ZNF696: variants seen among roughly 807,000 people sequenced by gnomAD.
The protein encoded by ZNF696 is zinc finger protein 696.
In ZNF696, 10 loss-of-function variants were observed where a neutral mutation model predicts 12.3. The observed-to-expected ratio is 0.81, with a 90% CI of 0.50 to 1.38. The LOEUF is 1.38. Among genes scored for constraint, ZNF696 ranks in the 40% most tolerant of loss-of-function variants. The probability of loss-of-function intolerance (pLI) is 0.00; values close to 1 mark genes in which losing one functional copy is unlikely to be tolerated. For synonymous variants in ZNF696, 304 were observed against 243.9 expected (o/e 1.25, Z -2.29); for missense variants, 675 against 554.7 (o/e 1.22, Z -2.18).
Position 143,296,811 on chromosome 8 carries a change from C to T in ZNF696, c.*11C>T, listed in dbSNP as rs1419098017. 4.3e-6 allele frequency: 6 copies of T among 1,382,852 alleles called. No individual in the cohort carries two copies. The highest frequency in any genetic ancestry group is 3.6e-5 in the Admixed American group (1 of 27,622). 85.7% of individuals were successfully genotyped at this position (1,382,852 alleles called of 1,614,324 possible). On this transcript the variant is annotated 3_prime_UTR_variant, in exon 3 of 3. Coordinates refer to ENST00000330143, the MANE Select transcript of ZNF696 (RefSeq NM_030895.3). The stretch of plus-strand genomic sequence containing the variant: ...CATGGCGCCGAGTGAGCCGGGGCTG[C>T]GGCGGAAGAGATGCCGGCGGCCTGG...
At position 143,291,721 on chromosome 8, in the gene ZNF696, C is replaced by T. The variant is rs1248256731; in HGVS notation, c.-77C>T. On this transcript the variant is annotated 5_prime_UTR_variant, in exon 1 of 3. Coordinates refer to ENST00000330143, the MANE Select transcript of ZNF696 (RefSeq NM_030895.3). ...TTTCCCACCGGCCCAGCTCATCGAG[C>T]TTCTTCCCAGCTGTGAACAGGAGGG... The T allele has an allele frequency of 1.0e-6, 1 of 985,388 alleles. No individual in the cohort carries two copies. The highest frequency in any genetic ancestry group is 6.1e-5 in the Admixed American group (1 of 16,274). 61.0% of individuals were successfully genotyped at this position (985,388 alleles called of 1,614,324 possible).
rs1306140474 is a variant in ZNF696 at position 143,296,250 on chromosome 8, A to G, written c.575A>G (p.Gln192Arg). ...ACAECGKAFG[Q>R]SFNLLRHQRV... ...GCCGAGTGCGGCAAGGCCTTCGGCC[A>G]GAGCTTCAACCTCCTCCGGCACCAG... The change falls in exon 3 of 3, where the codon CAG becomes CGG. Residue 192 changes from glutamine to arginine, a missense_variant. By Grantham distance (43) the Gln-to-Arg change is conservative (BLOSUM62 1). Transcript: ENST00000330143. 1.4e-5 allele frequency: 22 copies of G among 1,597,592 alleles called. No homozygotes were observed. The highest frequency in any genetic ancestry group is 4.5e-5 in the East Asian group (2 of 44,750).
chr8:143,292,346 A>T (rs1225547556), intron 1 of ZNF696: 1 of 151,810 alleles, frequency 6.6e-6, no homozygotes, highest in Non-Finnish European at 1.5e-5. Flanking sequence ...CCTATTCATG[A>T]TCTTTGCCAA....
chr8:143,297,095 C>G lies in ZNF696; in HGVS notation c.*295C>G. The G allele has an allele frequency of 3.0e-6, 1 of 327,986 alleles. No homozygotes were observed. The allele number at this position is 327,986 out of a possible 1,614,324, so 20.3% of individuals were successfully genotyped here. A position where few individuals can be genotyped will look rare whatever the true frequency, so the allele number is the denominator to read the frequency against. On this transcript the variant is annotated 3_prime_UTR_variant, in exon 3 of 3. Coordinates refer to ENST00000330143, the MANE Select transcript of ZNF696 (RefSeq NM_030895.3). Reference sequence around the variant, plus strand: ...TCTGAGACTCCCCGCCTCCCACGGTCAGCTGCTGCGGGGCAGTGGCCGGTG... The same window carrying G: ...TCTGAGACTCCCCGCCTCCCACGGTGAGCTGCTGCGGGGCAGTGGCCGGTG...
chr8:143,297,098 C>A lies in ZNF696; in HGVS notation c.*298C>A. ...GAGACTCCCCGCCTCCCACGGTCAG[C>A]TGCTGCGGGGCAGTGGCCGGTGATT... On this transcript the variant is annotated 3_prime_UTR_variant, in exon 3 of 3. Coordinates refer to ENST00000330143, the MANE Select transcript of ZNF696 (RefSeq NM_030895.3). 3.1e-6 allele frequency: 1 copy of A among 321,944 alleles called. No homozygotes were observed. Among genetic ancestry groups the A allele is most frequent in the Non-Finnish European group, 5.6e-6 (1 of 177,206 alleles). 19.9% of individuals were successfully genotyped at this position (321,944 alleles called of 1,614,324 possible).
chr8:143,296,114 C>G lies in ZNF696; in HGVS notation c.439C>G (p.His147Asp), dbSNP rs1486318641. ...GGACGCGGCAAAGCACCGGAGCATC[C>G]ACTCGGGGGAGAAACCGTACGAGTG... The part of the protein sequence containing the change: ...SSDAAKHRSI[H>D]SGEKPYECSD... Residue 147 changes from histidine (H) to aspartate (D), a missense_variant, in exon 3 of 3, where the codon CAC (histidine) becomes GAC (aspartate). Physicochemically the swap from His to Asp is moderately conservative, Grantham distance 81. Transcript: ENST00000330143. 6.2e-7 allele frequency: 1 copy of G among 1,608,942 alleles called. No homozygotes were observed. The highest frequency in any genetic ancestry group is 1.1e-5 in the South Asian group (1 of 90,718).
chr8:143,293,059 C>T lies in ZNF696; in HGVS notation c.58C>T (p.Leu20Phe), dbSNP rs1278973775. ...AGAGAGCAGTACCCTGATGGAGTCC[C>T]TTGCAGGTGAGGGGACATGTCCACA... is the stretch of plus-strand genomic sequence containing the variant. ...AKESSTLMESLAAVKAAFLAQ... is the reference protein window; with the variant it reads ...AKESSTLMESFAAVKAAFLAQ... Residue 20 changes from leucine to phenylalanine, a missense_variant, in exon 2 of 3, where the codon CTT becomes TTT. By Grantham distance (22) the Leu-to-Phe change is conservative (BLOSUM62 0). Coordinates refer to ENST00000330143, the MANE Select transcript of ZNF696 (RefSeq NM_030895.3). 1 of 1,613,660 alleles carries T rather than the reference C, an allele frequency of 6.2e-7. No individual in the cohort carries two copies. The highest frequency in any genetic ancestry group is 8.5e-7 in the Non-Finnish European group (1 of 1,179,852).
rs1158547589 is a variant in ZNF696 at position 143,296,329 on chromosome 8, C to T, written c.654C>T (p.Phe218=). The T allele has an allele frequency of 5.0e-6, 8 of 1,595,540 alleles. No homozygotes were observed. The highest frequency in any genetic ancestry group is 1.1e-5 in the South Asian group (1 of 90,318). The part of the protein sequence containing the change: ...PYACADCGKA[F]GQRSDAAKHR... ...CGTGCGCCGACTGCGGCAAGGCCTT[C>T]GGCCAGAGGTCGGACGCCGCCAAGC... Residue 218 remains phenylalanine, a synonymous_variant, in exon 3 of 3, where the codon TTC becomes TTT. Transcript: ENST00000330143.
Position 143,296,538 on chromosome 8 carries a change from C to G in ZNF696, c.863C>G (p.Thr288Arg), listed in dbSNP as rs532360416. 3 of 1,603,220 alleles carry G rather than the reference C, an allele frequency of 1.9e-6. No homozygotes were observed. In the Admixed American group the frequency reaches 5.0e-5, roughly 27 times the overall value. Reference sequence around the variant, plus strand: ...CTCCTCCAGCACCAGCGCGTGCACACGGGGGAGCGGCCCTTCGCCTGCCAG... The same window carrying G: ...CTCCTCCAGCACCAGCGCGTGCACAGGGGGGAGCGGCCCTTCGCCTGCCAG... ...SNLLQHQRVH[T>R]GERPFACQDC... The change falls in exon 3 of 3, where the codon ACG becomes AGG. Residue 288 changes from threonine (T) to arginine (R), a missense_variant. Physicochemically the swap from Thr to Arg is moderately conservative, Grantham distance 71. Coordinates refer to ENST00000330143, the MANE Select transcript of ZNF696 (RefSeq NM_030895.3).
At position 143,291,647 on chromosome 8, in the gene ZNF696, G is replaced by T; in HGVS notation, c.-151G>T. On this transcript the variant is annotated 5_prime_UTR_variant, in exon 1 of 3. Transcript: ENST00000330143. ...GGGTCCGACACGTGCGGGGCTTCCTGCGAGCTGAGTCCCCGCTGCGCGTCT... is the reference window on the plus strand; with the variant it reads ...GGGTCCGACACGTGCGGGGCTTCCTTCGAGCTGAGTCCCCGCTGCGCGTCT... 2 of 985,500 alleles carry T rather than the reference G, an allele frequency of 2.0e-6. No homozygotes were observed. Among genetic ancestry groups the T allele is most frequent in the Non-Finnish European group, 2.4e-6 (2 of 829,958 alleles). 61.0% of individuals were successfully genotyped at this position (985,500 alleles called of 1,614,324 possible). A position where few individuals can be genotyped will look rare whatever the true frequency, so the allele number is the denominator to read the frequency against.
At position 143,296,197 on chromosome 8, in the gene ZNF696, G is replaced by A. The variant is rs747459332; in HGVS notation, c.522G>A (p.Ala174=). 5.6e-6 allele frequency: 9 copies of A among 1,593,750 alleles called. No homozygotes were observed. The South Asian group carries it at 7.9e-5, about 14-fold the overall frequency. ...HSSHVVRHQR[A]HSGERPYACA... Reference sequence around the variant, plus strand: ...CGCACGTGGTCCGGCACCAGCGGGCGCACAGCGGGGAGAGGCCCTACGCGT... The same window carrying A: ...CGCACGTGGTCCGGCACCAGCGGGCACACAGCGGGGAGAGGCCCTACGCGT... Residue 174 remains alanine (A), a synonymous_variant, in exon 3 of 3, where the codon GCG becomes GCA. Transcript: ENST00000330143.
Position 143,296,887 on chromosome 8 carries a change from G to A in ZNF696, c.*87G>A, listed in dbSNP as rs1404083642. Reference sequence around the variant, plus strand: ...GGCTCCTGTCCGCCCCGTGCGCGGTGAGGAAGTAACAGCCGGCTGCGCGCC... The same window carrying A: ...GGCTCCTGTCCGCCCCGTGCGCGGTAAGGAAGTAACAGCCGGCTGCGCGCC... On this transcript the variant is annotated 3_prime_UTR_variant, in exon 3 of 3. Transcript: ENST00000330143. 3.2e-6 allele frequency: 4 copies of A among 1,233,948 alleles called. No homozygotes were observed. The highest frequency in any genetic ancestry group is 4.2e-6 in the Non-Finnish European group (4 of 956,170). 76.4% of individuals were successfully genotyped at this position (1,233,948 alleles called of 1,614,324 possible). A position where few individuals can be genotyped will look rare whatever the true frequency, so the allele number is the denominator to read the frequency against.
rs755873115 is a variant in ZNF696, at chr8:143,296,104, C to A, written c.429C>A (p.His143Gln). 8 of 1,607,970 alleles carry A rather than the reference C, an allele frequency of 5.0e-6. No homozygotes were observed. Among genetic ancestry groups the A allele is most frequent in the Non-Finnish European group, 6.8e-6 (8 of 1,177,464 alleles). ...SFKCSSDAAKHRSIHSGEKPY... is the reference protein window; with the variant it reads ...SFKCSSDAAKQRSIHSGEKPY... ...AGTGCTCCTCGGACGCGGCAAAGCA[C>A]CGGAGCATCCACTCGGGGGAGAAAC... The change falls in exon 3 of 3, where the codon CAC becomes CAA. Residue 143 changes from histidine to glutamine, a missense_variant. Physicochemically the swap from His to Gln is conservative, Grantham distance 24 (BLOSUM62 0). Coordinates refer to ENST00000330143, the MANE Select transcript of ZNF696 (RefSeq NM_030895.3).
At chr8:143,293,353 T>G in intron 2 of ZNF696, 1 of 540,210 alleles carries the variant, frequency 1.9e-6, no homozygotes, top group Non-Finnish European at 3.3e-6. Context: ...CCGTGGCTGT[T>G]TTGGAATGGA....
intron 2 of ZNF696, chr8:143,295,539 C>T (rs1387919028): frequency 5.7e-6 from 4 of 702,272 alleles, no homozygotes; most frequent in Non-Finnish European, 1.0e-5. Context: ...TCGTCTACCT[C>T]ATAACCATGG....
chr8:143,296,119 G>A lies in ZNF696; in HGVS notation c.444G>A (p.Ser148=), dbSNP rs755310310. ...CGGCAAAGCACCGGAGCATCCACTC[G>A]GGGGAGAAACCGTACGAGTGCAGCG... ...SDAAKHRSIH[S]GEKPYECSDC... is the part of the protein sequence containing the mutation. Residue 148 remains serine (S), a synonymous_variant, in exon 3 of 3, where the codon TCG becomes TCA. Transcript: ENST00000330143. 1.2e-6 allele frequency: 2 copies of A among 1,609,354 alleles called. No individual in the cohort carries two copies. The highest frequency in any genetic ancestry group is 2.2e-5 in the South Asian group (2 of 90,718).
At chr8:143,295,341 T>G in intron 2 of ZNF696, 2 of 465,050 alleles carry the variant, frequency 4.3e-6, no homozygotes, top group East Asian at 6.6e-5. Flanking sequence ...TTTAGCCTCG[T>G]TTCTGTTTGT....
At position 143,296,437 on chromosome 8, in the gene ZNF696, G is replaced by A; in HGVS notation, c.762G>A (p.Arg254=). 1 of 1,605,890 alleles carries A rather than the reference G, an allele frequency of 6.2e-7. No individual in the cohort carries two copies. Among genetic ancestry groups the A allele is most frequent in the East Asian group, 2.2e-5 (1 of 44,730 alleles). ...TCCTGCACAGCTCGAACGTGGTCCG[G>A]CACCGGCGGACCCACCACGGGGAGA... ...KRFLHSSNVV[R]HRRTHHGENP... The change falls in exon 3 of 3, where the codon CGG becomes CGA. Residue 254 remains arginine (R), a synonymous_variant. Transcript: ENST00000330143.
intron 2 of ZNF696, among the ~76,000 whole-genome samples, chr8:143,293,551 C>T (rs1175724394): frequency 5.3e-5 from 8 of 152,166 alleles, no homozygotes; most frequent in Admixed American, 5.2e-4. Flanking sequence ...TGGGGCCACC[C>T]TGAGAGTGTG....
Sources: gnomAD v4.1 joint callset for allele counts (sites outside exome capture counted in the v4.1 genomes callset) on GRCh38, gnomAD v4.1.1 for gene constraint, MANE v1.5 for transcripts, NCBI Gene and HGNC (gene_info 2026-07-23, HGNC 2026-07-21) for gene names.